The following ZNF423 variants were observed in gnomAD, a reference collection of about 807,000 sequenced individuals.
The protein encoded by ZNF423 is Ebf-associated zinc finger protein.
In ZNF423, 12 loss-of-function variants were observed where a neutral mutation model predicts 95.8. That is an observed-to-expected ratio of 0.13 (90% confidence interval 0.08 to 0.20). ZNF423 has a LOEUF of 0.20. Among genes scored for constraint, ZNF423 ranks in the 10% least tolerant of loss-of-function variants. The pLI is 1.00. For missense variants in ZNF423, 1,316 were observed against 1,737.1 expected (o/e 0.76, Z 4.31); for synonymous variants, 749 against 711.9 (o/e 1.05, Z -0.83).
rs1032268375 is a variant in ZNF423, at chr16:49,823,002, G to A, written c.40+32733C>T. 2.0e-5 allele frequency among the ~76,000 whole-genome samples: 3 copies of A among 152,282 alleles called. No homozygotes were observed. The South Asian group carries it at 6.2e-4, about 32-fold the overall frequency. On this transcript the variant is annotated intron_variant, in intron 1 of 7. Transcript: ENST00000563137. The stretch of plus-strand genomic sequence containing the variant: ...TATGGCCCAGAGGTCAGGATAGGAG[G>A]CCCTAAGGCATCCTCACCTTCTCTT...
chr16:49,735,411 T>C (rs2033261392), intron 2 of ZNF423, among the ~76,000 whole-genome samples: 1 of 152,176 alleles, frequency 6.6e-6, no homozygotes, highest in African/African-American at 2.4e-5. Context: ...CTAATTTGTC[T>C]ACTTTCTCTC....
chr16:49,517,940 G>A (rs1386735360), intron 7 of ZNF423: 1 of 453,530 alleles, frequency 2.2e-6, no homozygotes, highest in Admixed American at 2.4e-5. Context: ...CTGATCAAAA[G>A]ACCATTGTTT....
chr16:49,646,689 T>C (rs1449172485), intron 3 of ZNF423, among the ~76,000 whole-genome samples: 1 of 151,732 alleles, frequency 6.6e-6, no homozygotes, highest in Non-Finnish European at 1.5e-5. Context: ...TCTGCCTCGG[T>C]AGGAATCCTG....
chr16:49,644,322 G>A (rs1156455407), intron 3 of ZNF423, among the ~76,000 whole-genome samples: 1 of 152,040 alleles, frequency 6.6e-6, no homozygotes, highest in Non-Finnish European at 1.5e-5. Context: ...CAGGTTACTA[G>A]GACATTCCTG....
At chr16:49,659,454 T>C (rs2030081013) in intron 3 of ZNF423, among the ~76,000 whole-genome samples, 3 of 152,308 alleles carry the variant, frequency 2.0e-5, no homozygotes, top group South Asian at 4.1e-4. Context: ...CATTTTACGA[T>C]GTATTGTGCA....
chr16:49,828,936 A>C (rs1228845648), intron 1 of ZNF423, among the ~76,000 whole-genome samples: 1 of 152,170 alleles, frequency 6.6e-6, no homozygotes, highest in East Asian at 1.9e-4. Flanking sequence ...GACCCTTTCT[A>C]GCCTGGTTCC....
intron 2 of ZNF423, among the ~76,000 whole-genome samples, chr16:49,770,772 C>T (rs2034018873): frequency 6.6e-6 from 1 of 152,212 alleles, no homozygotes; most frequent in African/African-American, 2.4e-5. Context: ...ACTACATCAC[C>T]CACCAACGTG....
chr16:49,767,304 A>T (rs2033948151), intron 2 of ZNF423, among the ~76,000 whole-genome samples: 1 of 152,118 alleles, frequency 6.6e-6, no homozygotes, highest in Non-Finnish European at 1.5e-5. Context: ...ACATTCAAAC[A>T]ACATGGGGGA....
chr16:49,808,951 G>C (rs1429042766), intron 1 of ZNF423, among the ~76,000 whole-genome samples: 1 of 152,258 alleles, frequency 6.6e-6, no homozygotes, highest in African/African-American at 2.4e-5. Flanking sequence ...GTTCAGCAAT[G>C]GGAAAGGATA....
intron 3 of ZNF423, among the ~76,000 whole-genome samples, chr16:49,696,238 G>C (rs747137039): frequency 6.6e-6 from 1 of 152,176 alleles, no homozygotes; most frequent in Non-Finnish European, 1.5e-5. Context: ...TCACAAAGCA[G>C]GTAGAAAAGT....
At chr16:49,752,264 G>A (rs537098140) in intron 2 of ZNF423, among the ~76,000 whole-genome samples, 9 of 152,356 alleles carry the variant, frequency 5.9e-5, no homozygotes, top group East Asian at 5.8e-4. Flanking sequence ...ACTGCACACC[G>A]GAATTGGGAG....
intron 1 of ZNF423, among the ~76,000 whole-genome samples, chr16:49,791,962 A>G (rs919547850): frequency 1.4e-5 from 2 of 145,918 alleles, no homozygotes; most frequent in Non-Finnish European, 1.5e-5. Flanking sequence ...ATACTGCACC[A>G]CTGCTCTCAG....
intron 3 of ZNF423, among the ~76,000 whole-genome samples, chr16:49,671,928 GCC>G: frequency 6.6e-6 from 1 of 152,018 alleles, no homozygotes; most frequent in Admixed American, 6.6e-5. Context: ...CAGGCAATCT[GCC>G]TGCCTCAGCC....
Position 49,647,320 on chromosome 16 carries a change from A to T in ZNF423, c.302-8446T>A, listed in dbSNP as rs571545316. On this transcript the variant is annotated intron_variant, in intron 3 of 7. Transcript: ENST00000563137. ...TCTTTCCTCACTGGATGGCAGGTAA[A>T]GTAGCCTGCTGCTTAAATAGCCTAT... Among the ~76,000 whole-genome samples, 14 of 152,368 alleles carry T rather than the reference A, an allele frequency of 9.2e-5. No individual in the cohort carries two copies. The East Asian group carries it at 1.9e-3, about 21-fold the overall frequency.
In ZNF423 at chr16:49,806,725, TA is replaced by T. The variant is rs113697513; in HGVS notation, c.41-17180del. Among the ~76,000 whole-genome samples, 440 of 145,042 alleles carry T rather than the reference TA, an allele frequency of 3.0e-3. 2 individuals are homozygous for T. Among genetic ancestry groups the T allele is most frequent in the African/African-American group, 5.2e-3 (209 of 39,852 alleles). The stretch of plus-strand genomic sequence containing the variant: ...TTCTTCCTCATACTTTTTTTGTGGT[TA>T]AAAAAAAAAAATGCACAGCAGGCCA... On this transcript the variant is annotated intron_variant, in intron 1 of 7. Coordinates refer to ENST00000563137, the MANE Select transcript of ZNF423 (RefSeq NM_001379286.1).
At chr16:49,662,118 G>A (rs963085483) in intron 3 of ZNF423, among the ~76,000 whole-genome samples, 1 of 152,120 alleles carries the variant, frequency 6.6e-6, no homozygotes, top group Non-Finnish European at 1.5e-5. Context: ...CCACTCCCAG[G>A]TTACCCTTCT....
chr16:49,755,639 G>A (rs943289552), intron 2 of ZNF423, among the ~76,000 whole-genome samples: 1 of 152,128 alleles, frequency 6.6e-6, no homozygotes, highest in Non-Finnish European at 1.5e-5. Flanking sequence ...ACAAGCTATC[G>A]GGAAGCTTTC....
intron 2 of ZNF423, among the ~76,000 whole-genome samples, chr16:49,759,402 A>G (rs545338647): frequency 5.1e-4 from 76 of 150,164 alleles, no homozygotes; most frequent in Non-Finnish European, 7.6e-4. Flanking sequence ...CCACCTCAGA[A>G]AAAAAAAAAA....
At chr16:49,739,772 C>A (rs1049496318) in intron 2 of ZNF423, among the ~76,000 whole-genome samples, 1 of 148,450 alleles carries the variant, frequency 6.7e-6, no homozygotes, top group Non-Finnish European at 1.5e-5. Context: ...GATCTCAGCT[C>A]ACTGCAGCCT....
Sources: gnomAD v4.1 joint callset for allele counts (sites outside exome capture counted in the v4.1 genomes callset) on GRCh38, gnomAD v4.1.1 for gene constraint, MANE v1.5 for transcripts, NCBI Gene and HGNC (gene_info 2026-07-23, HGNC 2026-07-21) for gene names.